The following PSAP variants were observed in gnomAD, a reference collection of about 807,000 sequenced individuals.
The protein encoded by PSAP is precursor of saposins.
A neutral mutation model predicts 66.0 loss-of-function variants in PSAP; 25 were observed. The ratio of observed to expected loss-of-function variants is 0.38; its 90% confidence interval spans 0.28 to 0.53. The LOEUF (loss-of-function observed/expected upper bound fraction) is 0.53, where lower values mean the gene tolerates loss of function less well. Among genes scored for constraint, PSAP ranks in the 20% least tolerant of loss-of-function variants. PSAP has a pLI of 0.83. For missense variants in PSAP, 649 were observed against 668.8 expected (o/e 0.97, Z 0.33); for synonymous variants, 273 against 258.9 (o/e 1.05, Z -0.52).
chr10:71,832,784 G>A (rs776799103), intron 2 of PSAP, among the ~76,000 whole-genome samples: 6 of 151,578 alleles, frequency 4.0e-5, no homozygotes, highest in South Asian at 4.2e-4. Context: ...TTGGGAGGCC[G>A]AGGCGGGCAG....
Position 71,820,228 on chromosome 10 carries a change from A to G in PSAP, c.1005+12T>C, listed in dbSNP as rs778093667. On this transcript the variant is annotated intron_variant, in intron 9 of 13. Coordinates refer to ENST00000394936, the MANE Select transcript of PSAP (RefSeq NM_002778.4). Reference sequence around the variant, plus strand: ...CAGGAGAGGCCCTCCCTCTGCCAGGAGGACAGCATACCTCAGTCTTGTTGT... The same window carrying G: ...CAGGAGAGGCCCTCCCTCTGCCAGGGGGACAGCATACCTCAGTCTTGTTGT... The G allele has an allele frequency of 1.5e-5, 24 of 1,606,142 alleles. No individual in the cohort carries two copies. The East Asian group carries it at 5.4e-4, about 36-fold the overall frequency.
intron 1 of PSAP, among the ~76,000 whole-genome samples, chr10:71,843,607 C>T (rs1349379333): frequency 6.6e-6 from 1 of 152,174 alleles, no homozygotes; most frequent in Non-Finnish European, 1.5e-5. Context: ...ACAATTTTTA[C>T]ATTTGCAAGT....
chr10:71,824,889 G>A (rs1010580743), intron 7 of PSAP, among the ~76,000 whole-genome samples: 3 of 152,146 alleles, frequency 2.0e-5, no homozygotes, highest in African/African-American at 4.8e-5. Context: ...ACCTACTTCA[G>A]GTGCATGTCT....
At chr10:71,851,039 C>T in intron 1 of PSAP, 143 bp downstream of exon 1, 1 of 979,190 alleles carries the variant, frequency 1.0e-6, no homozygotes, top group South Asian at 1.4e-5. Flanking sequence ...CAGAGAAAGC[C>T]AGCGAACGCG....
intron 9 of PSAP, 110 bp downstream of exon 9, chr10:71,820,130 T>C: frequency 1.9e-6 from 2 of 1,061,952 alleles, no homozygotes; most frequent in South Asian, 1.3e-5. Context: ...GACATGGCTG[T>C]ACACATGTCA....
At chr10:71,822,092 G>A in intron 7 of PSAP, 85 bp from the exon 8 acceptor site, 1 of 1,597,600 alleles carries the variant, frequency 6.3e-7, no homozygotes, top group Non-Finnish European at 8.6e-7. Flanking sequence ...ACAGGGAGCT[G>A]GACAGCACCC....
chr10:71,829,859 A>G (rs1277104450), intron 4 of PSAP, among the ~76,000 whole-genome samples: 1 of 152,112 alleles, frequency 6.6e-6, no homozygotes, highest in East Asian at 1.9e-4. Flanking sequence ...TTAGCCGGGC[A>G]TGATGGTGGG....
At position 71,820,052 on chromosome 10, in the gene PSAP, T is replaced by C. The variant is rs1589446857; in HGVS notation, c.1006-152A>G. On this transcript the variant is annotated intron_variant, in intron 9 of 13. Transcript: ENST00000394936. ...ACCAAACTACAAAGCAGGGCAATGGTGTCCACCTCCCCGGACCCCCGCCAG... is the reference window on the plus strand; with the variant it reads ...ACCAAACTACAAAGCAGGGCAATGGCGTCCACCTCCCCGGACCCCCGCCAG... 7.6e-6 allele frequency: 7 copies of C among 917,590 alleles called. No individual in the cohort carries two copies. In the East Asian group the frequency reaches 1.8e-4, roughly 24 times the overall value. 56.8% of individuals were successfully genotyped at this position (917,590 alleles called of 1,614,324 possible). A position where few individuals can be genotyped will look rare whatever the true frequency, so the allele number is the denominator to read the frequency against.
At chr10:71,817,537 C>G in intron 13 of PSAP, 61 bp from the exon 14 acceptor site, 1 of 1,540,046 alleles carries the variant, frequency 6.5e-7, no homozygotes, top group Non-Finnish European at 9.0e-7. Flanking sequence ...CCCGGCCCAT[C>G]AATGTATCAG....
chr10:71,822,737 T>C (rs1457914714), intron 7 of PSAP: 1 of 420,404 alleles, frequency 2.4e-6, no homozygotes, highest in South Asian at 1.8e-5. Context: ...AACCAGCAAC[T>C]AGCTCTGAGC....
At chr10:71,820,006 C>T (rs1589446813) in intron 9 of PSAP, 106 bp from the exon 10 acceptor site, 3 of 1,065,218 alleles carry the variant, frequency 2.8e-6, no homozygotes, top group East Asian at 2.5e-5. Flanking sequence ...TGGTGGGTGC[C>T]GTTTCCACCC....
intron 1 of PSAP, among the ~76,000 whole-genome samples, chr10:71,850,037 A>G (rs1842898086): frequency 6.9e-6 from 1 of 145,588 alleles, no homozygotes; most frequent in South Asian, 2.2e-4. Context: ...TGACTCTGGC[A>G]TAACATTTTA....
At position 71,822,155 on chromosome 10, in the gene PSAP, C is replaced by A. The variant is rs765418133; in HGVS notation, c.778-148G>T. ...TCCCCCTCCCACAACGGGGCAGATTCCAGTTTCCATGTTAAAGGGCTCGTG... is the reference window on the plus strand; with the variant it reads ...TCCCCCTCCCACAACGGGGCAGATTACAGTTTCCATGTTAAAGGGCTCGTG... On this transcript the variant is annotated intron_variant, in intron 7 of 13. Transcript: ENST00000394936. The A allele has an allele frequency of 2.8e-4, 293 of 1,056,810 alleles. 1 individual carries two copies. The highest frequency in any genetic ancestry group is 4.0e-4 in the Non-Finnish European group (282 of 705,784). 65.5% of individuals were successfully genotyped at this position (1,056,810 alleles called of 1,614,324 possible).
chr10:71,848,453 G>A (rs1341462058), intron 1 of PSAP, among the ~76,000 whole-genome samples: 1 of 152,146 alleles, frequency 6.6e-6, no homozygotes, highest in African/African-American at 2.4e-5. Flanking sequence ...GGCACCTCCA[G>A]GTCTTCATTC....
intron 1 of PSAP, among the ~76,000 whole-genome samples, chr10:71,848,661 G>A (rs1353869044): frequency 1.3e-5 from 2 of 152,190 alleles, no homozygotes; most frequent in Admixed American, 6.5e-5. Flanking sequence ...TCTGTACTAC[G>A]ACAGTGTCAC....
chr10:71,846,897 T>G (rs1842835102), intron 1 of PSAP, among the ~76,000 whole-genome samples: 1 of 152,190 alleles, frequency 6.6e-6, no homozygotes, highest in African/African-American at 2.4e-5. Context: ...CTAGAATCTC[T>G]GCTAGAAGCT....
intron 2 of PSAP, 68 bp from the exon 3 acceptor site, chr10:71,831,988 C>A: frequency 7.0e-7 from 1 of 1,437,730 alleles, no homozygotes; most frequent in South Asian, 1.1e-5. Context: ...AGCTGGAACT[C>A]CCCATGGCCT....
intron 1 of PSAP, among the ~76,000 whole-genome samples, chr10:71,844,144 G>A (rs533704899): frequency 6.6e-6 from 1 of 152,298 alleles, no homozygotes; most frequent in South Asian, 2.1e-4. Context: ...ATGTTAACAA[G>A]GGCATGCAGT....
chr10:71,826,524 T>C (rs978570652), intron 6 of PSAP, among the ~76,000 whole-genome samples: 1 of 152,142 alleles, frequency 6.6e-6, no homozygotes, highest in Non-Finnish European at 1.5e-5. Flanking sequence ...GGCTACAGGA[T>C]TCCTAGGCTT....
Sources: allele counts gnomAD v4.1 joint callset (sites outside exome capture counted in the v4.1 genomes callset), GRCh38; gene constraint gnomAD v4.1.1; transcripts MANE v1.5; gene names NCBI Gene and HGNC (gene_info 2026-07-23, HGNC 2026-07-21).